Variants in SYT1 observed in about 807,000 individuals in gnomAD.
The protein encoded by SYT1 is synaptotagmin-1.
A neutral mutation model predicts 44.8 loss-of-function variants in SYT1; 8 were observed. That is an observed-to-expected ratio of 0.18 (90% CI 0.10 to 0.32). The LOEUF (loss-of-function observed/expected upper bound fraction) is 0.32, where lower values mean the gene tolerates loss of function less well. Ranked by LOEUF, SYT1 falls within the 10% of genes least tolerant of loss-of-function variation. SYT1 has a pLI of 1.00. For synonymous variants in SYT1, 154 were observed against 188.8 expected (o/e 0.82, Z 1.51); for missense variants, 286 against 509.3 (o/e 0.56, Z 4.22).
In SYT1 at chr12:79,078,750, A is replaced by G. The variant is rs74763109; in HGVS notation, c.-18+31388A>G. On this transcript the variant is annotated intron_variant, in intron 3 of 10. Coordinates refer to ENST00000261205, the MANE Select transcript of SYT1 (RefSeq NM_005639.3). ...GTTGTTCCCTCCATGTGTCCATATG[A>G]AAAAACTGCCTTTTAAGAGAAGAAT... Among the ~76,000 whole-genome samples the G allele has an allele frequency of 3.9e-5, 6 of 152,124 alleles. No individual in the cohort carries two copies. The East Asian group carries it at 7.7e-4, about 20-fold the overall frequency.
At chr12:79,285,565 A>T (rs1167301680) in intron 4 of SYT1, among the ~76,000 whole-genome samples, 1 of 152,214 alleles carries the variant, frequency 6.6e-6, no homozygotes. Flanking sequence ...TAGGGAGGAG[A>T]TGACATTTGA....
At chr12:79,210,439 A>G (rs1199804118) in intron 3 of SYT1, among the ~76,000 whole-genome samples, 1 of 152,142 alleles carries the variant, frequency 6.6e-6, no homozygotes, top group Non-Finnish European at 1.5e-5. Flanking sequence ...TTGTTGAATC[A>G]TTCTTATGCC....
intron 1 of SYT1, among the ~76,000 whole-genome samples, chr12:78,870,720 G>C (rs937257360): frequency 2.0e-5 from 3 of 151,976 alleles, no homozygotes; most frequent in Non-Finnish European, 4.4e-5. Context: ...GGCCTCCAGG[G>C]AACAGCCTCT....
At position 79,176,415 on chromosome 12, in the gene SYT1, AAACTGAAGATAATGACCAC is replaced by A. The variant is rs2138373937; in HGVS notation, c.-17-41085_-17-41067del. Among the ~76,000 whole-genome samples the A allele has an allele frequency of 2.0e-5, 3 of 152,208 alleles. No homozygotes were observed. In the South Asian group the frequency reaches 6.2e-4, roughly 32 times the overall value. On this transcript the variant is annotated intron_variant, in intron 3 of 10. Coordinates refer to ENST00000261205, the MANE Select transcript of SYT1 (RefSeq NM_005639.3). Reference sequence around the variant, plus strand: ...CTAATGTTACCCAGACCGAGTGGCAAAACTGAAGATAATGACCACAATAGAAACACTTCACAGTTCACAA... The same window carrying A: ...CTAATGTTACCCAGACCGAGTGGCAAAATAGAAACACTTCACAGTTCACAA...
intron 4 of SYT1, among the ~76,000 whole-genome samples, chr12:79,245,489 A>C: frequency 7.1e-6 from 1 of 141,184 alleles, no homozygotes; most frequent in South Asian, 2.2e-4. Flanking sequence ...AAAAAAAAAA[A>C]GAAAAGAAAA....
intron 1 of SYT1, among the ~76,000 whole-genome samples, chr12:78,926,141 T>G (rs1782785205): frequency 6.6e-6 from 1 of 152,064 alleles, no homozygotes; most frequent in Non-Finnish European, 1.5e-5. Context: ...CAAAGAGTCC[T>G]GAGGCATGTC....
chr12:79,043,281 C>A (rs1322550536), intron 2 of SYT1, among the ~76,000 whole-genome samples: 5 of 150,428 alleles, frequency 3.3e-5, no homozygotes, highest in African/African-American at 1.2e-4. Context: ...GTGGGTCACT[C>A]AGGACTTGCT....
intron 1 of SYT1, among the ~76,000 whole-genome samples, chr12:78,867,058 G>GAA (rs35154964): frequency 5.4e-4 from 78 of 143,142 alleles, no homozygotes; most frequent in Non-Finnish European, 6.7e-4. Flanking sequence ...ACATTTAAAT[G>GAA]AAAAAAAAAA....
At chr12:79,133,865 C>T (rs928386174) in intron 3 of SYT1, among the ~76,000 whole-genome samples, 1 of 152,204 alleles carries the variant, frequency 6.6e-6, no homozygotes, top group African/African-American at 2.4e-5. Flanking sequence ...TAGCAGAACT[C>T]CTGCTCTAAA....
At chr12:79,228,286 C>CAA (rs1875649698) in intron 4 of SYT1, among the ~76,000 whole-genome samples, 9 of 152,198 alleles carry the variant, frequency 5.9e-5, no homozygotes, top group Admixed American at 5.2e-4. Flanking sequence ...TAATCTGGAC[C>CAA]CTGACATCTG....
At chr12:78,996,205 T>C (rs1028559805) in intron 2 of SYT1, among the ~76,000 whole-genome samples, 2 of 152,204 alleles carry the variant, frequency 1.3e-5, no homozygotes, top group Non-Finnish European at 2.9e-5. Flanking sequence ...CTCAGTGCAT[T>C]AAGTAAACCA....
At chr12:78,963,665 C>CA (rs1348451181) in intron 1 of SYT1, among the ~76,000 whole-genome samples, 1 of 151,896 alleles carries the variant, frequency 6.6e-6, no homozygotes, top group Non-Finnish European at 1.5e-5. Context: ...ACAAAACAAA[C>CA]AAAAAAACAG....
At chr12:79,364,752 T>C (rs1336491079) in intron 9 of SYT1, among the ~76,000 whole-genome samples, 2 of 152,190 alleles carry the variant, frequency 1.3e-5, no homozygotes, top group African/African-American at 4.8e-5. Context: ...GACAGTGTAA[T>C]TAACTAATAA....
At chr12:79,015,850 A>G (rs1871772422) in intron 2 of SYT1, among the ~76,000 whole-genome samples, 1 of 152,174 alleles carries the variant, frequency 6.6e-6, no homozygotes, top group Non-Finnish European at 1.5e-5. Flanking sequence ...TAGGTAGGCC[A>G]GGATTATCTA....
At chr12:79,222,240 C>A (rs1393679734) in intron 4 of SYT1, among the ~76,000 whole-genome samples, 1 of 151,808 alleles carries the variant, frequency 6.6e-6, no homozygotes, top group African/African-American at 2.4e-5. Flanking sequence ...TGTCTTTGAT[C>A]CTTGACAACT....
chr12:79,235,787 G>A (rs868378090), intron 4 of SYT1, among the ~76,000 whole-genome samples: 10 of 151,958 alleles, frequency 6.6e-5, no homozygotes, highest in Non-Finnish European at 1.0e-4. Flanking sequence ...ATGTAAACAT[G>A]TTCAGCATTC....
chr12:79,104,439 A>G (rs975346682), intron 3 of SYT1, among the ~76,000 whole-genome samples: 1 of 152,066 alleles, frequency 6.6e-6, no homozygotes, highest in Non-Finnish European at 1.5e-5. Context: ...ATCCTAAGGC[A>G]ATTTAGAGAA....
At chr12:79,071,641 A>G (rs146336696) in intron 3 of SYT1, among the ~76,000 whole-genome samples, 1 of 151,892 alleles carries the variant, frequency 6.6e-6, no homozygotes, top group Admixed American at 6.6e-5. Context: ...CTTCCTCTGA[A>G]CTCCTTTAGG....
intron 8 of SYT1, among the ~76,000 whole-genome samples, chr12:79,313,614 A>C (rs910070813): frequency 5.3e-5 from 8 of 151,712 alleles, no homozygotes; most frequent in Admixed American, 2.0e-4. Context: ...AAAAAAAAAA[A>C]AAAACAAAAT....
Sources: gnomAD v4.1 joint callset for allele counts (sites outside exome capture counted in the v4.1 genomes callset) on GRCh38, gnomAD v4.1.1 for gene constraint, MANE v1.5 for transcripts, NCBI Gene and HGNC (gene_info 2026-07-23, HGNC 2026-07-21) for gene names.